The following TMEM132D variants were observed in gnomAD, a reference collection of about 807,000 sequenced individuals.
TMEM132D encodes mature OL transmembrane protein.
In TMEM132D, 21 loss-of-function variants were observed where a neutral mutation model predicts 62.3. The observed-to-expected ratio is 0.34, with a 90% CI of 0.24 to 0.49. The LOEUF (loss-of-function observed/expected upper bound fraction) is 0.49, where lower values mean the gene tolerates loss of function less well. Ranked by LOEUF, TMEM132D falls within the 20% of genes least tolerant of loss-of-function variation. The probability of loss-of-function intolerance (pLI) is 0.99; values close to 1 mark genes in which losing one functional copy is unlikely to be tolerated. For synonymous variants in TMEM132D, 621 were observed against 575.6 expected (o/e 1.08, Z -1.13); for missense variants, 1,346 against 1,402.8 (o/e 0.96, Z 0.65).
intron 1 of TMEM132D, among the ~76,000 whole-genome samples, chr12:129,846,696 C>A (rs1873374609): frequency 6.6e-6 from 1 of 152,086 alleles, no homozygotes; most frequent in African/African-American, 2.4e-5. Context: ...AGAATATATT[C>A]TCCTGACCTG....
chr12:129,214,526 T>C (rs1440283585), intron 4 of TMEM132D, among the ~76,000 whole-genome samples: 1 of 152,216 alleles, frequency 6.6e-6, no homozygotes, highest in Non-Finnish European at 1.5e-5. Context: ...CCAATTTCAT[T>C]TGTGGCTGTA....
At chr12:129,575,055 G>A (rs768293135) in intron 2 of TMEM132D, among the ~76,000 whole-genome samples, 26 of 151,724 alleles carry the variant, frequency 1.7e-4, no homozygotes, top group African/African-American at 5.6e-4. Flanking sequence ...TACATATGGA[G>A]TCTAAGAAGA....
intron 2 of TMEM132D, among the ~76,000 whole-genome samples, chr12:129,696,889 A>G (rs768570593): frequency 2.0e-5 from 3 of 152,218 alleles, no homozygotes; most frequent in African/African-American, 4.8e-5. Flanking sequence ...TTTCCTGCAG[A>G]TGTCACCTTC....
chr12:129,322,859 A>T (rs1445265233), intron 4 of TMEM132D, among the ~76,000 whole-genome samples: 1 of 152,092 alleles, frequency 6.6e-6, no homozygotes, highest in African/African-American at 2.4e-5. Context: ...AATAGATAGG[A>T]CTCTCAGATC....
At chr12:129,129,597 A>G (rs922994613) in intron 5 of TMEM132D, among the ~76,000 whole-genome samples, 3 of 152,210 alleles carry the variant, frequency 2.0e-5, no homozygotes, top group African/African-American at 7.2e-5. Context: ...ACTAATTAAC[A>G]TTCCTACCAA....
intron 5 of TMEM132D, among the ~76,000 whole-genome samples, chr12:129,187,374 G>T (rs1830422759): frequency 6.6e-6 from 1 of 152,212 alleles, no homozygotes; most frequent in South Asian, 2.1e-4. Context: ...AGGAGGGATG[G>T]GAGAACATTA....
chr12:129,239,390 G>A (rs921557772), intron 4 of TMEM132D, among the ~76,000 whole-genome samples: 3 of 152,176 alleles, frequency 2.0e-5, no homozygotes, highest in African/African-American at 7.2e-5. Context: ...TTTGTAGATG[G>A]TGTAAGGTAA....
rs572758466 is a variant in TMEM132D, at chr12:129,358,079, G to A, written c.1116-20262C>T. Among the ~76,000 whole-genome samples, 3 of 152,140 alleles carry A rather than the reference G, an allele frequency of 2.0e-5. No individual in the cohort carries two copies. In the South Asian group the frequency reaches 6.2e-4, roughly 32 times the overall value. The stretch of plus-strand genomic sequence containing the variant: ...TTTTAATGTACGTACTTTATAATGA[G>A]ATTTTTGTCATCATAAATTTGTCTT... On this transcript the variant is annotated intron_variant, in intron 3 of 8. Coordinates refer to ENST00000422113, the MANE Select transcript of TMEM132D (RefSeq NM_133448.3).
At chr12:129,627,956 C>T (rs1400173859) in intron 2 of TMEM132D, among the ~76,000 whole-genome samples, 2 of 152,216 alleles carry the variant, frequency 1.3e-5, no homozygotes, top group Non-Finnish European at 2.9e-5. Context: ...CACTGTACTC[C>T]AGCCTGCGTG....
intron 4 of TMEM132D, among the ~76,000 whole-genome samples, chr12:129,235,763 T>C (rs932266022): frequency 7.9e-5 from 12 of 152,296 alleles, no homozygotes; most frequent in African/African-American, 2.9e-4. Flanking sequence ...ATCTGCCAAA[T>C]GTTAGGTAGT....
chr12:129,587,413 G>A (rs890662867), intron 2 of TMEM132D, among the ~76,000 whole-genome samples: 1 of 152,162 alleles, frequency 6.6e-6, no homozygotes, highest in Admixed American at 6.5e-5. Context: ...GGAAGAGGGA[G>A]AGGATCAGGA....
intron 3 of TMEM132D, among the ~76,000 whole-genome samples, chr12:129,477,654 AC>A (rs761341711): frequency 4.9e-4 from 75 of 152,052 alleles, no homozygotes; most frequent in Non-Finnish European, 1.0e-3. Flanking sequence ...CCCCGTCTCT[AC>A]TAAAAATACA....
intron 5 of TMEM132D, among the ~76,000 whole-genome samples, chr12:129,144,925 T>TCTAC (rs945883822): frequency 1.4e-5 from 2 of 147,430 alleles, no homozygotes; most frequent in African/African-American, 4.9e-5. Flanking sequence ...TATCTATCTA[T>TCTAC]CTACCTATCA....
intron 2 of TMEM132D, among the ~76,000 whole-genome samples, chr12:129,656,361 T>G (rs1318125727): frequency 2.0e-5 from 3 of 152,086 alleles, no homozygotes; most frequent in African/African-American, 4.8e-5. Context: ...CCCCTGGCCC[T>G]GTGGAATCAG....
intron 4 of TMEM132D, among the ~76,000 whole-genome samples, chr12:129,225,646 A>C (rs1414005453): frequency 6.6e-6 from 1 of 152,232 alleles, no homozygotes; most frequent in East Asian, 1.9e-4. Flanking sequence ...AAAGTGTTAA[A>C]GCAGTGCTTG....
intron 4 of TMEM132D, among the ~76,000 whole-genome samples, chr12:129,283,749 C>T (rs1254470260): frequency 2.0e-5 from 3 of 152,190 alleles, no homozygotes; most frequent in African/African-American, 7.2e-5. Context: ...TGTCCACTGC[C>T]CTAAGACAGA....
chr12:129,657,906 T>A (rs191263215), intron 2 of TMEM132D, among the ~76,000 whole-genome samples: 271 of 152,336 alleles, frequency 1.8e-3, no homozygotes, highest in African/African-American at 6.3e-3. Context: ...ATTCAGAACA[T>A]AATCATGACA....
chr12:129,356,696 A>G (rs1870066786), intron 3 of TMEM132D, among the ~76,000 whole-genome samples: 1 of 149,552 alleles, frequency 6.7e-6, no homozygotes, highest in Non-Finnish European at 1.5e-5. Context: ...AAATAAATAA[A>G]TAAAATAAAA....
chr12:129,477,981 C>T (rs371771664), intron 3 of TMEM132D, among the ~76,000 whole-genome samples: 7 of 152,084 alleles, frequency 4.6e-5, no homozygotes, highest in African/African-American at 1.2e-4. Context: ...TGGACTTACA[C>T]GAACCAAGAT....
Sources: allele counts gnomAD v4.1 joint callset (sites outside exome capture counted in the v4.1 genomes callset), GRCh38; gene constraint gnomAD v4.1.1; transcripts MANE v1.5; gene names NCBI Gene and HGNC (gene_info 2026-07-23, HGNC 2026-07-21).